KLF7: variants seen among roughly 807,000 people sequenced by gnomAD.
The protein encoded by KLF7 is KLF transcription factor 7.
Under a neutral mutation model 27.3 loss-of-function variants are expected in KLF7, and 2 were observed. That is an observed-to-expected ratio of 0.07 (90% CI 0.03 to 0.23). The LOEUF is 0.23. Among genes scored for constraint, KLF7 ranks in the 10% least tolerant of loss-of-function variants. The pLI is 1.00. For synonymous variants in KLF7, 165 were observed against 162.4 expected, an observed-to-expected ratio of 1.02 and a Z score of -0.12; for missense variants, 221 against 394.1, an observed-to-expected ratio of 0.56 and a Z score of 3.72.
chr2:207,086,355 G>A (rs546567077), intron 3 of KLF7, among the ~76,000 whole-genome samples: 19 of 152,304 alleles, frequency 1.2e-4, no homozygotes, highest in South Asian at 2.1e-4. Flanking sequence ...CACAGTCACC[G>A]TAATTGAAAC....
chr2:207,082,443 C>CA (rs1342939402), intron 3 of KLF7, among the ~76,000 whole-genome samples: 1 of 152,146 alleles, frequency 6.6e-6, no homozygotes, highest in Non-Finnish European at 1.5e-5. Context: ...CTGGATCCAA[C>CA]GAAGCCTAAA....
At chr2:207,125,847 T>C (rs2077462439) in intron 1 of KLF7, among the ~76,000 whole-genome samples, 1 of 152,198 alleles carries the variant, frequency 6.6e-6, no homozygotes, top group Non-Finnish European at 1.5e-5. Context: ...GATATAGCAG[T>C]AGGTCCACAT....
chr2:207,119,483 A>T (rs2077278286), intron 2 of KLF7, among the ~76,000 whole-genome samples: 1 of 151,874 alleles, frequency 6.6e-6, no homozygotes, highest in Non-Finnish European at 1.5e-5. Context: ...ATTGGAAGTG[A>T]AGGTTACTTT....
At chr2:207,134,154 A>ATTTTTT (rs35538720) in intron 1 of KLF7, 81,942 of 1,116,270 alleles carry the variant, frequency 0.073, 1,872 homozygotes, top group Middle Eastern at 0.087. Flanking sequence ...GGCTACTGGG[A>ATTTTTT]TTTTTTTTTT....
chr2:207,152,013 A>G (rs1272544680), intron 1 of KLF7, among the ~76,000 whole-genome samples: 1 of 152,230 alleles, frequency 6.6e-6, no homozygotes, highest in East Asian at 1.9e-4. Flanking sequence ...TAAAAGCATT[A>G]GAAAAGGAAG....
At chr2:207,144,150 T>A (rs1400135345) in intron 1 of KLF7, among the ~76,000 whole-genome samples, 1 of 116,132 alleles carries the variant, frequency 8.6e-6, no homozygotes, top group Non-Finnish European at 1.7e-5. Context: ...GGTCTAGGAG[T>A]CGTCACAGCG....
At chr2:207,084,354 T>C (rs2076340278) in intron 3 of KLF7, among the ~76,000 whole-genome samples, 1 of 152,224 alleles carries the variant, frequency 6.6e-6, no homozygotes, top group African/African-American at 2.4e-5. Flanking sequence ...AATATATGTG[T>C]TCGGCTTTAT....
rs1205070326 is a variant in KLF7 at position 207,134,159 on chromosome 2, T to TC, written c.103-9756_103-9755insG. 1.9e-5 allele frequency: 28 copies of TC among 1,470,324 alleles called. No homozygotes were observed. In the African/African-American group the frequency reaches 3.9e-4, roughly 20 times the overall value. The allele number at this position is 1,470,324 out of a possible 1,614,324, so 91.1% of individuals were successfully genotyped here. A position where few individuals can be genotyped will look rare whatever the true frequency, so the allele number is the denominator to read the frequency against. On this transcript the variant is annotated intron_variant, in intron 1 of 3. Transcript: ENST00000309446. ...GGCTGACTCGGGCTACTGGGATTTTTTTTTTTTTTTTTTTTTAAAGCAAAC... is the reference window on the plus strand; with the variant it reads ...GGCTGACTCGGGCTACTGGGATTTTTCTTTTTTTTTTTTTTTTAAAGCAAAC...
Position 207,081,010 on chromosome 2 carries a change from T to C in KLF7, c.*203A>G, listed in dbSNP as rs1435913118. ...AGAATAGACGTATATATTTTAAATA[T>C]AGTTGAGTGCATGACAGTGTGTATG... On this transcript the variant is annotated 3_prime_UTR_variant, in exon 4 of 4. Coordinates refer to ENST00000309446, the MANE Select transcript of KLF7 (RefSeq NM_003709.4). 4 of 573,758 alleles carry C rather than the reference T, an allele frequency of 7.0e-6. No individual in the cohort carries two copies. The highest frequency in any genetic ancestry group is 2.9e-5 in the Admixed American group (1 of 34,656). The allele number at this position is 573,758 out of a possible 1,614,324, so 35.5% of individuals were successfully genotyped here.
intron 1 of KLF7, among the ~76,000 whole-genome samples, chr2:207,156,133 A>G (rs898042706): frequency 6.6e-6 from 1 of 151,970 alleles, no homozygotes; most frequent in Non-Finnish European, 1.5e-5. Context: ...TGCCAACCAT[A>G]CCCCCATCAA....
At chr2:207,115,843 A>T (rs1169576298) in intron 2 of KLF7, among the ~76,000 whole-genome samples, 10 of 152,220 alleles carry the variant, frequency 6.6e-5, no homozygotes, top group Admixed American at 6.5e-4. Flanking sequence ...ACACTGGTGG[A>T]TGGACGTATA....
At chr2:207,091,886 T>C (rs2076520539) in intron 2 of KLF7, among the ~76,000 whole-genome samples, 1 of 152,214 alleles carries the variant, frequency 6.6e-6, no homozygotes, top group Non-Finnish European at 1.5e-5. Flanking sequence ...TCTGTAGCCA[T>C]GATACATTTG....
chr2:207,085,356 C>G (rs1372642337), intron 3 of KLF7, among the ~76,000 whole-genome samples: 2 of 151,996 alleles, frequency 1.3e-5, no homozygotes, highest in African/African-American at 4.8e-5. Context: ...ATGCTAGTAG[C>G]TGTCTCCCTG....
chr2:207,153,673 T>G (rs932823145), intron 1 of KLF7, among the ~76,000 whole-genome samples: 2 of 151,422 alleles, frequency 1.3e-5, no homozygotes, highest in Non-Finnish European at 1.5e-5. Context: ...AAAACCTCAG[T>G]GAGATATATC....
At chr2:207,157,220 A>T (rs58684108) in intron 1 of KLF7, among the ~76,000 whole-genome samples, 626 of 13,498 alleles carry the variant, frequency 0.046, 9 homozygotes, top group African/African-American at 0.18. Flanking sequence ...ACAGAAAAGT[A>T]AAAAAAAAAA....
intron 1 of KLF7, among the ~76,000 whole-genome samples, chr2:207,164,459 C>A (rs2078639853): frequency 6.6e-6 from 1 of 151,488 alleles, no homozygotes. Flanking sequence ...CCCCCGCCCC[C>A]ACCCACCATC....
At position 207,080,821 on chromosome 2, in the gene KLF7, G is replaced by C; in HGVS notation, c.*392C>G. 1 of 403,442 alleles carries C rather than the reference G, an allele frequency of 2.5e-6. No homozygotes were observed. The allele number at this position is 403,442 out of a possible 1,614,324, so 25.0% of individuals were successfully genotyped here. A position where few individuals can be genotyped will look rare whatever the true frequency, so the allele number is the denominator to read the frequency against. On this transcript the variant is annotated 3_prime_UTR_variant, in exon 4 of 4. Transcript: ENST00000309446. ...GAGAAGCAAGTGAAATAAGCCCCTC[G>C]GACTGCCGTCCACCTGCACAGACGT...
intron 2 of KLF7, among the ~76,000 whole-genome samples, chr2:207,110,724 G>A (rs573500175): frequency 1.3e-5 from 2 of 152,298 alleles, no homozygotes; most frequent in East Asian, 1.9e-4. Flanking sequence ...GGGGAAAAGC[G>A]GCACATCATC....
chr2:207,169,264 C>A (rs1393052824), upstream of KLF7, among the ~76,000 whole-genome samples: 2 of 151,976 alleles, frequency 1.3e-5, no homozygotes, highest in Non-Finnish European at 2.9e-5. Context: ...AAATTATCCC[C>A]CCACCCGGGG....
Sources: allele counts gnomAD v4.1 joint callset (sites outside exome capture counted in the v4.1 genomes callset), GRCh38; gene constraint gnomAD v4.1.1; transcripts MANE v1.5; gene names NCBI Gene and HGNC (gene_info 2026-07-23, HGNC 2026-07-21).